LRRC49: variants seen among roughly 807,000 people sequenced by gnomAD.
LRRC49 encodes the protein leucine-rich repeat-containing protein 49.
LRRC49 carries 50 observed loss-of-function variants against 83.3 expected under a neutral mutation model. That is an observed-to-expected ratio of 0.60 (90% confidence interval 0.48 to 0.76). The LOEUF (loss-of-function observed/expected upper bound fraction) is 0.76, where lower values mean the gene tolerates loss of function less well. Among genes scored for constraint, LRRC49 ranks in the 30% least tolerant of loss-of-function variants. The pLI, the probability that LRRC49 is intolerant of heterozygous loss-of-function variation, is 0.00. For missense variants in LRRC49, 704 were observed against 809.1 expected (o/e 0.87, Z 1.58); for synonymous variants, 286 against 283.3 (o/e 1.01, Z -0.10).
At chr15:70,903,612 T>G (rs2034177327) in intron 4 of LRRC49, among the ~76,000 whole-genome samples, 1 of 152,160 alleles carries the variant, frequency 6.6e-6, no homozygotes, top group Admixed American at 6.5e-5. Flanking sequence ...ATATTTTCTT[T>G]AAAGCTTTCA....
chr15:70,955,300 G>A, intron 8 of LRRC49, among the ~76,000 whole-genome samples: 1 of 152,154 alleles, frequency 6.6e-6, no homozygotes, highest in East Asian at 1.9e-4. Flanking sequence ...TCCCAAAGAA[G>A]GCATTGTTAT....
At chr15:70,872,749 A>T (rs12902589) in intron 1 of LRRC49, among the ~76,000 whole-genome samples, 1 of 151,898 alleles carries the variant, frequency 6.6e-6, no homozygotes, top group Non-Finnish European at 1.5e-5. Flanking sequence ...GAAAGCTCTC[A>T]TATCCACTGA....
chr15:70,882,540 A>G, intron 2 of LRRC49: 1 of 1,613,954 alleles, frequency 6.2e-7, no homozygotes, highest in African/African-American at 1.3e-5. Flanking sequence ...TCTGTTTCTG[A>G]ATCACTGGAG....
intron 14 of LRRC49, among the ~76,000 whole-genome samples, chr15:71,016,215 G>GT (rs1304233466): frequency 1.3e-5 from 2 of 151,472 alleles, no homozygotes; most frequent in Non-Finnish European, 2.9e-5. Context: ...GTTCTATCTT[G>GT]TTTTTTTATT....
chr15:70,939,622 A>G (rs908586800), intron 8 of LRRC49, among the ~76,000 whole-genome samples: 4 of 152,132 alleles, frequency 2.6e-5, no homozygotes, highest in African/African-American at 9.7e-5. Context: ...GTCCCAGGGT[A>G]CAGACAATGA....
At chr15:70,858,856 G>A (rs11633521) in intron 1 of LRRC49, 50,157 of 766,482 alleles carry the variant, frequency 0.065, 1,973 homozygotes, top group Middle Eastern at 0.089. Flanking sequence ...CTTCTGGGGT[G>A]GCCTGGGTGG....
chr15:70,897,511 T>C (rs1390149555), intron 3 of LRRC49, among the ~76,000 whole-genome samples: 1 of 152,234 alleles, frequency 6.6e-6, no homozygotes, highest in African/African-American at 2.4e-5. Flanking sequence ...CAACTTATTT[T>C]CTTGACTTTT....
intron 8 of LRRC49, among the ~76,000 whole-genome samples, chr15:70,963,275 CAAAAAAAAAAA>C (rs765094754): frequency 1.4e-4 from 10 of 70,440 alleles, no homozygotes; most frequent in Admixed American, 4.5e-4. Context: ...GACCTGGTCT[CAAAAAAAAAAA>C]AAAAAAAAAA....
intron 9 of LRRC49, among the ~76,000 whole-genome samples, chr15:70,977,236 A>G (rs2037237806): frequency 6.6e-6 from 1 of 152,250 alleles, no homozygotes; most frequent in South Asian, 2.1e-4. Context: ...TGAATAAAAG[A>G]ATTTAACAGA....
intron 14 of LRRC49, among the ~76,000 whole-genome samples, chr15:71,030,953 T>C (rs992385636): frequency 6.6e-6 from 1 of 152,056 alleles, no homozygotes; most frequent in Non-Finnish European, 1.5e-5. Flanking sequence ...TAGACCATGC[T>C]CCTTTAGCTC....
chr15:70,990,585 C>G (rs1448293938), intron 11 of LRRC49, among the ~76,000 whole-genome samples: 1 of 152,224 alleles, frequency 6.6e-6, no homozygotes, highest in African/African-American at 2.4e-5. Flanking sequence ...CCTTGCACTT[C>G]CCAAGTGAGG....
chr15:70,953,593 C>T lies in LRRC49; in HGVS notation c.774-10192C>T, dbSNP rs78303777. Among the ~76,000 whole-genome samples, 611 of 152,194 alleles carry T rather than the reference C, an allele frequency of 4.0e-3. 1 individual carries two copies. Among genetic ancestry groups the T allele is most frequent in the Non-Finnish European group, 6.8e-3 (465 of 68,012 alleles). ...GACCTTGGAGAATCTGATGACTGTGCTTTGGGGATGATCATCTTGCATAGT... is the reference window on the plus strand; with the variant it reads ...GACCTTGGAGAATCTGATGACTGTGTTTTGGGGATGATCATCTTGCATAGT... On this transcript the variant is annotated intron_variant, in intron 8 of 15. Transcript: ENST00000260382.
chr15:70,965,982 A>G (rs2036779897), intron 9 of LRRC49, among the ~76,000 whole-genome samples: 1 of 152,088 alleles, frequency 6.6e-6, no homozygotes, highest in African/African-American at 2.4e-5. Flanking sequence ...GTTGTATTGG[A>G]ACACAGTGAT....
intron 14 of LRRC49, among the ~76,000 whole-genome samples, chr15:71,026,228 C>T (rs1176357000): frequency 1.3e-5 from 2 of 152,076 alleles, no homozygotes; most frequent in Non-Finnish European, 2.9e-5. Flanking sequence ...TCATCCATGT[C>T]CCTGCAAAGG....
chr15:70,904,170 G>A (rs1235724599), intron 4 of LRRC49, among the ~76,000 whole-genome samples: 1 of 152,004 alleles, frequency 6.6e-6, no homozygotes, highest in Non-Finnish European at 1.5e-5. Flanking sequence ...TCGTTACATC[G>A]GTGGATTGAT....
chr15:71,007,746 G>A (rs923640766), intron 11 of LRRC49, among the ~76,000 whole-genome samples: 30 of 142,748 alleles, frequency 2.1e-4, no homozygotes, highest in African/African-American at 6.7e-4. Context: ...TATATAGTGT[G>A]TATATATAAT....
chr15:71,014,054 C>G lies in LRRC49; in HGVS notation c.1703+1141C>G, dbSNP rs186907487. On this transcript the variant is annotated intron_variant, in intron 14 of 15. Transcript: ENST00000260382. ...GCTACTCCTACTTCCCCACTTAGCC[C>G]AGTTCTGAATTCAAATCTTACCCAA... 2.0e-3 allele frequency among the ~76,000 whole-genome samples: 307 copies of G among 152,188 alleles called. 2 individuals are homozygous for G. Among genetic ancestry groups the G allele is most frequent in the African/African-American group, 7.1e-3 (294 of 41,504 alleles).
At chr15:71,012,485 C>T (rs2038684908) in intron 13 of LRRC49, among the ~76,000 whole-genome samples, 1 of 151,196 alleles carries the variant, frequency 6.6e-6, no homozygotes, top group Admixed American at 6.6e-5. Context: ...ATCCAAGAAG[C>T]TATAGGATTT....
chr15:70,863,232 A>G (rs1221804303), intron 1 of LRRC49, among the ~76,000 whole-genome samples: 3 of 152,230 alleles, frequency 2.0e-5, no homozygotes, highest in Non-Finnish European at 4.4e-5. Flanking sequence ...ACTCCAGATC[A>G]AATGAGTCAT....
Sources: allele counts gnomAD v4.1 joint callset (sites outside exome capture counted in the v4.1 genomes callset), GRCh38; gene constraint gnomAD v4.1.1; transcripts MANE v1.5; gene names NCBI Gene and HGNC (gene_info 2026-07-23, HGNC 2026-07-21).